The following DNAH6 variants were observed in gnomAD, a reference collection of about 807,000 sequenced individuals.
The protein encoded by DNAH6 is axonemal beta dynein heavy chain 6.
In DNAH6, 340 loss-of-function variants were observed where a neutral mutation model predicts 491.4. The observed-to-expected ratio is 0.69, with a 90% CI of 0.63 to 0.76. The LOEUF (loss-of-function observed/expected upper bound fraction) is 0.76, where lower values mean the gene tolerates loss of function less well. Among genes scored for constraint, DNAH6 ranks in the 30% least tolerant of loss-of-function variants. DNAH6 has a pLI of 0.00. For missense variants in DNAH6, 4,443 were observed against 4,972.2 expected (o/e 0.89, Z 3.20); for synonymous variants, 1,603 against 1,686.1 (o/e 0.95, Z 1.21).
chr2:84,754,594 A>G (rs549700130), intron 63 of DNAH6, among the ~76,000 whole-genome samples: 8 of 152,342 alleles, frequency 5.3e-5, no homozygotes, highest in Non-Finnish European at 8.8e-5. Context: ...GTTGACTACA[A>G]TTGTGAGAGT....
At chr2:84,592,469 A>C (rs1449224383) in intron 16 of DNAH6, among the ~76,000 whole-genome samples, 1 of 152,240 alleles carries the variant, frequency 6.6e-6, no homozygotes, top group African/African-American at 2.4e-5. Context: ...ATGTGAAGAC[A>C]CTGGAATCCT....
In DNAH6 at chr2:84,713,249, A is replaced by G. The variant is rs1285786364; in HGVS notation, c.9533A>G (p.Tyr3178Cys). 5 of 1,552,090 alleles carry G rather than the reference A, an allele frequency of 3.2e-6. No individual in the cohort carries two copies. The highest frequency in any genetic ancestry group is 2.7e-5 in the African/African-American group (2 of 73,168). Residue 3178 changes from tyrosine to cysteine, a missense_variant, in exon 57 of 77, where the codon TAT becomes TGT. This residue lies in a region of DNAH6 where 1,463 missense variants were observed against 1,656.6 expected (regional missense o/e 0.88). Coordinates refer to ENST00000389394, the MANE Select transcript of DNAH6 (RefSeq NM_001370.2). ...ACAACCAAAATGCCAAATCCCCACT[A>G]TCTGCCTGAGGTATGAACTACTGGT... ...YMTTKMPNPH[Y>C]LPEVCIKVTI...
chr2:84,806,930 A>G (rs1679477250), intron 71 of DNAH6, among the ~76,000 whole-genome samples: 1 of 152,208 alleles, frequency 6.6e-6, no homozygotes, highest in Non-Finnish European at 1.5e-5. Context: ...CATTAAATAT[A>G]AGATCAATAA....
At chr2:84,750,977 C>T (rs1673418445) in intron 63 of DNAH6, 1 of 152,246 alleles carries the variant, frequency 6.6e-6, no homozygotes, top group Non-Finnish European at 1.5e-5. Flanking sequence ...AAGAGCTAGA[C>T]ACCCATTCCA....
intron 68 of DNAH6, 30 bp downstream of exon 68, chr2:84,787,332 A>G (rs1677297912): frequency 1.3e-6 from 2 of 1,536,558 alleles, no homozygotes; most frequent in Non-Finnish European, 8.8e-7. Flanking sequence ...CAGGCCTTCC[A>G]TCTATGTACC....
chr2:84,483,576 T>C, the DNAH6 span, among the ~76,000 whole-genome samples: 23 of 152,104 alleles, frequency 1.5e-4, no homozygotes, highest in Non-Finnish European at 3.1e-4. Flanking sequence ...TCTTTCCCCA[T>C]GTTTCTCCCT....
chr2:84,537,349 G>A (rs1248821854), intron 4 of DNAH6, among the ~76,000 whole-genome samples: 1 of 151,982 alleles, frequency 6.6e-6, no homozygotes, highest in Non-Finnish European at 1.5e-5. Context: ...TAGGAATGCT[G>A]AAATCTATGC....
intron 4 of DNAH6, among the ~76,000 whole-genome samples, chr2:84,537,549 C>G (rs1430410437): frequency 1.3e-5 from 2 of 151,964 alleles, no homozygotes; most frequent in Non-Finnish European, 2.9e-5. Flanking sequence ...CTGATGCTGC[C>G]CTGAAGGCAA....
At chr2:84,581,912 G>A (rs777519141) in intron 14 of DNAH6, among the ~76,000 whole-genome samples, 20 of 152,154 alleles carry the variant, frequency 1.3e-4, no homozygotes, top group Non-Finnish European at 2.6e-4. Context: ...GGTATAGGGA[G>A]GGTAGGCTAC....
intron 47 of DNAH6, among the ~76,000 whole-genome samples, chr2:84,698,953 C>T (rs1320206472): frequency 1.3e-5 from 2 of 152,178 alleles, no homozygotes; most frequent in Non-Finnish European, 2.9e-5. Context: ...CCAAATACCA[C>T]CTGTTCTCAC....
At chr2:84,604,130 A>G (rs971261133) in intron 18 of DNAH6, among the ~76,000 whole-genome samples, 1 of 152,056 alleles carries the variant, frequency 6.6e-6, no homozygotes, top group Non-Finnish European at 1.5e-5. Flanking sequence ...TCTCTCTCCA[A>G]ATTTGGAGTT....
intron 4 of DNAH6, among the ~76,000 whole-genome samples, chr2:84,537,145 A>G (rs1677772662): frequency 6.6e-6 from 1 of 152,072 alleles, no homozygotes; most frequent in Admixed American, 6.6e-5. Context: ...CTAATCCTGC[A>G]GCTGTGTACC....
intron 11 of DNAH6, among the ~76,000 whole-genome samples, chr2:84,562,010 A>T (rs1230819555): frequency 1.3e-5 from 2 of 152,206 alleles, no homozygotes; most frequent in Non-Finnish European, 2.9e-5. Flanking sequence ...GCCTAAAAAA[A>T]GATAGATACA....
chr2:84,622,342 T>G (rs1687475444), intron 26 of DNAH6, among the ~76,000 whole-genome samples: 1 of 152,194 alleles, frequency 6.6e-6, no homozygotes, highest in Admixed American at 6.5e-5. Flanking sequence ...TTTTTTTCTT[T>G]TTTAAGAGAC....
chr2:84,722,410 C>G (rs1698248338), intron 59 of DNAH6, among the ~76,000 whole-genome samples: 1 of 152,176 alleles, frequency 6.6e-6, no homozygotes, highest in Non-Finnish European at 1.5e-5. Context: ...GCCTGCTGCC[C>G]TCTGCCTATT....
chr2:84,707,010 G>C lies in DNAH6; in HGVS notation c.8842G>C (p.Glu2948Gln). ...DEYDKGVNEK[E>Q]SLAKTMALTK... ...ATATGACAAAGGTGTAAATGAAAAA[G>C]AAAGCCTGGGTAAGTAACTCATAAA... Residue 2948 changes from glutamate to glutamine, a missense_variant, in exon 53 of 77, where the codon GAA (glutamate) becomes CAA (glutamine). By Grantham distance (29) the Glu-to-Gln change is conservative. This residue lies in a region of DNAH6 where 1,463 missense variants were observed against 1,656.6 expected (regional missense o/e 0.88). Transcript: ENST00000389394. The C allele has an allele frequency of 6.6e-7, 1 of 1,513,464 alleles. No individual in the cohort carries two copies. The highest frequency in any genetic ancestry group is 8.8e-7 in the Non-Finnish European group (1 of 1,137,678). 93.8% of individuals were successfully genotyped at this position (1,513,464 alleles called of 1,614,324 possible).
rs770838207 is a variant in DNAH6, at chr2:84,528,878, T to TG, written c.400-26_400-25insG. On this transcript the variant is annotated intron_variant, in intron 3 of 76. Coordinates refer to ENST00000389394, the MANE Select transcript of DNAH6 (RefSeq NM_001370.2). The stretch of plus-strand genomic sequence containing the variant: ...TGTATGTGTGCAAAGACTCATTTTT[T>TG]TTTTTCAAAAATTGGCTTTGTTTAG... 65 of 1,513,556 alleles carry TG rather than the reference T, an allele frequency of 4.3e-5. 3 individuals carry two copies. The South Asian group carries it at 7.8e-4, about 18-fold the overall frequency. 93.8% of individuals were successfully genotyped at this position (1,513,556 alleles called of 1,614,324 possible). A position where few individuals can be genotyped will look rare whatever the true frequency, so the allele number is the denominator to read the frequency against.
intron 72 of DNAH6, among the ~76,000 whole-genome samples, chr2:84,810,946 C>A (rs928480675): frequency 6.6e-6 from 1 of 152,142 alleles, no homozygotes; most frequent in Non-Finnish European, 1.5e-5. Context: ...GCTCCCTCCA[C>A]CTCTATCATT....
At chr2:84,685,959 C>G (rs1000149581) in intron 43 of DNAH6, among the ~76,000 whole-genome samples, 2 of 152,126 alleles carry the variant, frequency 1.3e-5, no homozygotes, top group Non-Finnish European at 2.9e-5. Flanking sequence ...GAGGCCAAGG[C>G]AAGCGGATCA....
Sources: allele counts gnomAD v4.1 joint callset (sites outside exome capture counted in the v4.1 genomes callset), GRCh38; gene constraint gnomAD v4.1.1; regional missense constraint gnomAD v4.1.1; transcripts MANE v1.5; gene names NCBI Gene and HGNC (gene_info 2026-07-23, HGNC 2026-07-21).